The following MYO10 variants were observed in gnomAD, a reference collection of about 807,000 sequenced individuals.
MYO10 encodes myosin X, also known as unconventional myosin-X.
MYO10 carries 133 observed loss-of-function variants against 257.3 expected under a neutral mutation model. The ratio of observed to expected loss-of-function variants is 0.52; its 90% CI spans 0.45 to 0.60. The LOEUF (loss-of-function observed/expected upper bound fraction) is 0.60. Ranked by LOEUF, MYO10 falls within the 20% of genes least tolerant of loss-of-function variation. The probability of loss-of-function intolerance (pLI) is 0.00; values close to 1 mark genes in which losing one functional copy is unlikely to be tolerated. For synonymous variants in MYO10, 1,104 were observed against 1,028.6 expected (o/e 1.07, Z -1.40); for missense variants, 2,399 against 2,635.7 (o/e 0.91, Z 1.97).
In MYO10 at chr5:16,712,958, G is replaced by C. The variant is rs529914595; in HGVS notation, c.1930-1713C>G. 3.5e-4 allele frequency among the ~76,000 whole-genome samples: 54 copies of C among 152,252 alleles called. 1 individual carries two copies. In the South Asian group the frequency reaches 8.7e-3, roughly 25 times the overall value. On this transcript the variant is annotated intron_variant, in intron 19 of 40. Transcript: ENST00000513610. ...TCTCTGGATTTAAAAATGCGGGTTG[G>C]GGGGTGGCTGACTGTTCTGAAGGCA... is the stretch of plus-strand genomic sequence containing the variant.
In MYO10 at chr5:16,922,793, C is replaced by T. The variant is rs569071556; in HGVS notation, c.21+12995G>A. ...CACCTGTAATTCCAGCACTCTGGGA[C>T]GCTGAGGAGGGAGGATAGCTTGGGC... On this transcript the variant is annotated intron_variant, in intron 1 of 40. Transcript: ENST00000513610. 9.8e-4 allele frequency among the ~76,000 whole-genome samples: 149 copies of T among 152,246 alleles called. No homozygotes were observed. The Middle Eastern group carries it at 0.031, about 31-fold the overall frequency.
rs74701192 is a variant in MYO10, at chr5:16,829,526, G to A, written c.121-11359C>T. On this transcript the variant is annotated intron_variant, in intron 2 of 40. Transcript: ENST00000513610. ...TCCTGCCGTCATGTACACAAATCGC[G>A]CACCCCCAAAAGTATCAGGGATGGT... Among the ~76,000 whole-genome samples, 488 of 152,150 alleles carry A rather than the reference G, an allele frequency of 3.2e-3. 5 individuals are homozygous for A. Among genetic ancestry groups the A allele is most frequent in the African/African-American group, 0.011 (460 of 41,524 alleles).
intron 2 of MYO10, among the ~76,000 whole-genome samples, chr5:16,820,291 C>T (rs1448734262): frequency 1.3e-5 from 2 of 152,228 alleles, no homozygotes; most frequent in African/African-American, 2.4e-5. Context: ...TCCCCTAGCA[C>T]GCCACATCCC....
intron 9 of MYO10, 130 bp from the exon 10 acceptor site, chr5:16,769,333 C>A: frequency 9.7e-7 from 1 of 1,029,940 alleles, no homozygotes; most frequent in South Asian, 1.9e-5. Context: ...GATGCATAAC[C>A]ACTCACTTGT....
At chr5:16,787,422 G>A (rs1054819534) in intron 4 of MYO10, among the ~76,000 whole-genome samples, 2 of 152,028 alleles carry the variant, frequency 1.3e-5, no homozygotes, top group African/African-American at 4.8e-5. Context: ...AGACTCTGCA[G>A]GTAGTACATT....
chr5:16,931,322 C>A (rs189126684), intron 1 of MYO10, among the ~76,000 whole-genome samples: 5 of 152,180 alleles, frequency 3.3e-5, no homozygotes, highest in Admixed American at 3.3e-4. Flanking sequence ...CCATGTCCTA[C>A]CAATCACAAC....
At chr5:16,692,612 G>A (rs2126526617) in intron 27 of MYO10, among the ~76,000 whole-genome samples, 1 of 152,166 alleles carries the variant, frequency 6.6e-6, no homozygotes, top group African/African-American at 2.4e-5. Context: ...GCTATAAAAG[G>A]AGGTGGTTTG....
intron 9 of MYO10, among the ~76,000 whole-genome samples, chr5:16,775,875 T>C (rs559084810): frequency 5.3e-5 from 8 of 150,752 alleles, no homozygotes; most frequent in African/African-American, 2.0e-4. Context: ...GCTGGAATTA[T>C]AGGCATGACC....
intron 3 of MYO10, among the ~76,000 whole-genome samples, chr5:16,800,733 A>T (rs143708555): frequency 6.6e-6 from 1 of 151,800 alleles, no homozygotes; most frequent in Non-Finnish European, 1.5e-5. Context: ...GCCATGCGCC[A>T]CCCCCGTGGC....
intron 4 of MYO10, among the ~76,000 whole-genome samples, chr5:16,787,299 T>C (rs945164731): frequency 2.0e-5 from 3 of 152,108 alleles, no homozygotes; most frequent in African/African-American, 7.2e-5. Flanking sequence ...TATATTGGGC[T>C]GTGGAAGTGT....
intron 25 of MYO10, among the ~76,000 whole-genome samples, 167 bp downstream of exon 25, chr5:16,700,796 G>A (rs1738010022): frequency 6.6e-6 from 1 of 152,236 alleles, no homozygotes. Context: ...ACTTATGAAT[G>A]CAATTGGCTT....
Position 16,935,891 on chromosome 5 carries a change from G to C in MYO10, c.-83C>G, listed in dbSNP as rs953393930. ...CGCCGCGGGTCCGGGGAAACCATGCGTGTCACGGCGCCACTCCCGAGGACG... is the reference window on the plus strand; with the variant it reads ...CGCCGCGGGTCCGGGGAAACCATGCCTGTCACGGCGCCACTCCCGAGGACG... On this transcript the variant is annotated 5_prime_UTR_variant, in exon 1 of 41. Transcript: ENST00000513610. 2 of 1,549,506 alleles carry C rather than the reference G, an allele frequency of 1.3e-6. No homozygotes were observed. Among genetic ancestry groups the C allele is most frequent in the Admixed American group, 1.9e-5 (1 of 53,924 alleles).
At chr5:16,920,184 G>T (rs568581082) in intron 1 of MYO10, among the ~76,000 whole-genome samples, 52 of 152,148 alleles carry the variant, frequency 3.4e-4, no homozygotes, top group Non-Finnish European at 6.8e-4. Flanking sequence ...TGAGGCAGGA[G>T]AATCACTTGA....
intron 19 of MYO10, among the ~76,000 whole-genome samples, chr5:16,745,901 C>T (rs1740179589): frequency 6.6e-6 from 1 of 152,118 alleles, no homozygotes; most frequent in Non-Finnish European, 1.5e-5. Context: ...GGATGTGTCT[C>T]AGACATGCTG....
intron 26 of MYO10, 107 bp downstream of exon 26, chr5:16,699,343 C>T (rs1351481624): frequency 6.4e-6 from 9 of 1,415,902 alleles, no homozygotes; most frequent in Non-Finnish European, 8.5e-6. Flanking sequence ...ATCCATCAGC[C>T]CAGATACAAT....
At chr5:16,799,562 G>A (rs1290790654) in intron 3 of MYO10, among the ~76,000 whole-genome samples, 4 of 151,466 alleles carry the variant, frequency 2.6e-5, no homozygotes, top group Non-Finnish European at 4.4e-5. Context: ...GCACAATCTC[G>A]GCTCACTGCA....
intron 1 of MYO10, among the ~76,000 whole-genome samples, chr5:16,918,744 G>A (rs1418871223): frequency 1.3e-5 from 2 of 151,782 alleles, no homozygotes; most frequent in African/African-American, 4.8e-5. Flanking sequence ...CAGGTGATCC[G>A]CCTGCCTCAG....
At chr5:16,738,417 A>C (rs1050261022) in intron 19 of MYO10, 2 of 985,164 alleles carry the variant, frequency 2.0e-6, no homozygotes, top group African/African-American at 3.5e-5. Context: ...AGAAAGAAGA[A>C]AATAGTCACA....
chr5:16,819,906 A>G (rs1476987456), intron 2 of MYO10, among the ~76,000 whole-genome samples: 1 of 152,202 alleles, frequency 6.6e-6, no homozygotes, highest in African/African-American at 2.4e-5. Context: ...GTCCTGAGAA[A>G]CTGCTCGAGG....
Sources: allele counts gnomAD v4.1 joint callset (sites outside exome capture counted in the v4.1 genomes callset), GRCh38; gene constraint gnomAD v4.1.1; transcripts MANE v1.5; gene names NCBI Gene and HGNC (gene_info 2026-07-23, HGNC 2026-07-21).